GLP2R: variants seen among roughly 807,000 people sequenced by gnomAD.
GLP2R encodes glucagon like peptide 2 receptor, also known as glucagon-like peptide 2 receptor.
Under a neutral mutation model 68.2 loss-of-function variants are expected in GLP2R, and 59 were observed. The observed-to-expected ratio is 0.87, with a 90% CI of 0.70 to 1.07. The LOEUF is 1.07. Ranked by LOEUF, GLP2R falls within the 50% of genes least tolerant of loss-of-function variation. GLP2R has a pLI of 0.00. For synonymous variants in GLP2R, 270 were observed against 265.4 expected, an observed-to-expected ratio of 1.02 and a Z score of -0.17; for missense variants, 548 against 677.4, an observed-to-expected ratio of 0.81 and a Z score of 2.12.
At chr17:9,860,249 A>G (rs2066975970) in intron 7 of GLP2R, 148 bp downstream of exon 7, 1 of 705,910 alleles carries the variant, frequency 1.4e-6, no homozygotes, top group South Asian at 2.0e-5. Context: ...GAAGAGGGGT[A>G]TGTGTGTGCA....
chr17:9,857,475 A>G lies in GLP2R; in HGVS notation c.664A>G (p.Ile222Val). Residue 222 changes from isoleucine (I) to valine (V), a missense_variant, in exon 6 of 13, where the codon ATC becomes GTC. Ile to Val is a conservative substitution (Grantham distance 29). Transcript: ENST00000262441. ...CCACATGAACTTGTTTGCTTCTTTC[A>G]TCCTGAGAACCCTGGCTGTACTGGT... ...YIHMNLFASF[I>V]LRTLAVLVKD... 1 of 1,614,160 alleles carries G rather than the reference A, an allele frequency of 6.2e-7. No homozygotes were observed. Among genetic ancestry groups the G allele is most frequent in the Non-Finnish European group, 8.5e-7 (1 of 1,180,020 alleles).
At chr17:9,851,767 A>G (rs2066893501) in intron 4 of GLP2R, among the ~76,000 whole-genome samples, 1 of 152,230 alleles carries the variant, frequency 6.6e-6, no homozygotes, top group Non-Finnish European at 1.5e-5. Flanking sequence ...GTACATATAA[A>G]GGTAAATTTT....
intron 9 of GLP2R, among the ~76,000 whole-genome samples, chr17:9,862,836 C>T (rs1326327546): frequency 2.0e-5 from 3 of 152,154 alleles, no homozygotes; most frequent in African/African-American, 7.2e-5. Flanking sequence ...TCTCTGCCCA[C>T]CCTGTTCCCC....
At chr17:9,879,988 GAGAT>G (rs1239073692) in intron 10 of GLP2R, among the ~76,000 whole-genome samples, 1 of 152,200 alleles carries the variant, frequency 6.6e-6, no homozygotes, top group African/African-American at 2.4e-5. Flanking sequence ...AGTAAAGAAA[GAGAT>G]AGATGAAACT....
intron 9 of GLP2R, chr17:9,866,123 A>G (rs553943284): frequency 2.5e-4 from 83 of 338,012 alleles, no homozygotes; most frequent in African/African-American, 1.4e-3. Context: ...AAGGGAAAAG[A>G]AAGGCCATGC....
chr17:9,855,595 A>C (rs2066927597), intron 5 of GLP2R, among the ~76,000 whole-genome samples: 1 of 152,226 alleles, frequency 6.6e-6, no homozygotes, highest in African/African-American at 2.4e-5. Flanking sequence ...TTAGCTATCA[A>C]ATTTAAGTGC....
At chr17:9,846,541 C>G (rs1201636455) in intron 4 of GLP2R, among the ~76,000 whole-genome samples, 1 of 152,086 alleles carries the variant, frequency 6.6e-6, no homozygotes, top group East Asian at 1.9e-4. Flanking sequence ...TCACTTAAGC[C>G]CCAGGAGGTT....
At chr17:9,861,575 TA>T (rs2066987967) in intron 8 of GLP2R, among the ~76,000 whole-genome samples, 1 of 152,236 alleles carries the variant, frequency 6.6e-6, no homozygotes, top group Non-Finnish European at 1.5e-5. Context: ...AATATACCTA[TA>T]TTGCAGAATA....
chr17:9,884,039 T>A (rs4420566), intron 11 of GLP2R, among the ~76,000 whole-genome samples: 9,207 of 152,244 alleles, frequency 0.06, 939 homozygotes, highest in African/African-American at 0.21. Context: ...ACATTGTATT[T>A]TTGGGCTTAT....
chr17:9,877,652 G>A (rs1038316102), intron 10 of GLP2R, among the ~76,000 whole-genome samples: 2 of 152,146 alleles, frequency 1.3e-5, no homozygotes, highest in African/African-American at 4.8e-5. Context: ...CACTTTGGGA[G>A]GCCGAGGCGG....
intron 4 of GLP2R, chr17:9,852,908 T>C (rs2066904699): frequency 1.3e-5 from 6 of 475,466 alleles, no homozygotes; most frequent in South Asian, 7.5e-5. Context: ...TTTCCAGATA[T>C]ACTTAAGAGT....
chr17:9,854,901 T>C (rs2066922020), intron 5 of GLP2R, among the ~76,000 whole-genome samples: 1 of 152,234 alleles, frequency 6.6e-6, no homozygotes, highest in South Asian at 2.1e-4. Flanking sequence ...TATGTGAATG[T>C]GGCCTCTCTC....
chr17:9,868,828 A>G (rs2067065130), intron 9 of GLP2R, among the ~76,000 whole-genome samples: 1 of 152,194 alleles, frequency 6.6e-6, no homozygotes, highest in Admixed American at 6.5e-5. Context: ...ATTGAAATTA[A>G]TTTGCTGAAA....
chr17:9,861,300 C>G, intron 8 of GLP2R, 101 bp downstream of exon 8: 1 of 816,364 alleles, frequency 1.2e-6, no homozygotes, highest in Non-Finnish European at 2.1e-6. Flanking sequence ...ATATCTATCC[C>G]TTCTCATTTT....
At chr17:9,842,770 C>T (rs906100136) in intron 4 of GLP2R, among the ~76,000 whole-genome samples, 154 bp downstream of exon 4, 1 of 152,186 alleles carries the variant, frequency 6.6e-6, no homozygotes, top group South Asian at 2.1e-4. Context: ...AAGCAGCAAC[C>T]CTTGTGGCGG....
At chr17:9,887,050 G>T (rs942083375) in intron 11 of GLP2R, among the ~76,000 whole-genome samples, 6 of 152,170 alleles carry the variant, frequency 3.9e-5, no homozygotes, top group African/African-American at 7.2e-5. Flanking sequence ...ATATGTAGGA[G>T]CCTGAGAAAG....
At chr17:9,843,182 G>A (rs77556432) in intron 4 of GLP2R, among the ~76,000 whole-genome samples, 8,657 of 152,258 alleles carry the variant, frequency 0.057, 294 homozygotes, top group African/African-American at 0.096. Flanking sequence ...AGGGTCTAGG[G>A]TCAGGCAGCC....
intron 3 of GLP2R, among the ~76,000 whole-genome samples, chr17:9,839,164 A>ATG (rs1199419336): frequency 6.6e-6 from 1 of 152,204 alleles, no homozygotes; most frequent in Non-Finnish European, 1.5e-5. Context: ...CATTGAGAGC[A>ATG]TGCAGCTATT....
At chr17:9,878,092 C>G (rs8077989) in intron 10 of GLP2R, among the ~76,000 whole-genome samples, 1,805 of 152,206 alleles carry the variant, frequency 0.012, 36 homozygotes, top group African/African-American at 0.041. Context: ...CCCAGCCCAC[C>G]CAGAGCAAGG....
Sources: gnomAD v4.1 joint callset for allele counts (sites outside exome capture counted in the v4.1 genomes callset) on GRCh38, gnomAD v4.1.1 for gene constraint, MANE v1.5 for transcripts, NCBI Gene and HGNC (gene_info 2026-07-23, HGNC 2026-07-21) for gene names.